The following LINGO2 variants were observed in gnomAD, a reference collection of about 807,000 sequenced individuals.
LINGO2 encodes the protein leucine-rich repeat and immunoglobulin-like domain-containing nogo receptor-interacting protein 2.
Under a neutral mutation model 30.6 loss-of-function variants are expected in LINGO2, and 14 were observed. The observed-to-expected ratio is 0.46, with a 90% CI of 0.30 to 0.72. The LOEUF (loss-of-function observed/expected upper bound fraction) is 0.72, where lower values mean the gene tolerates loss of function less well. LINGO2 is among the 30% of genes least tolerant of loss of function. LINGO2 has a pLI of 0.07. For synonymous variants in LINGO2, 317 were observed against 288.5 expected, an observed-to-expected ratio of 1.10 and a Z score of -1.00; for missense variants, 729 against 751.7, an observed-to-expected ratio of 0.97 and a Z score of 0.35.
chr9:28,143,186 G>A (rs1827722648), intron 4 of LINGO2, among the ~76,000 whole-genome samples: 2 of 152,090 alleles, frequency 1.3e-5, no homozygotes, highest in African/African-American at 2.4e-5. Flanking sequence ...TTGAAGAAAT[G>A]CCAAAATTCG....
At chr9:28,314,321 G>C (rs1564116556) in intron 3 of LINGO2, among the ~76,000 whole-genome samples, 1 of 152,172 alleles carries the variant, frequency 6.6e-6, no homozygotes, top group Non-Finnish European at 1.5e-5. Context: ...CTTAGTTAGG[G>C]TAAACAAAAA....
At chr9:29,112,177 A>G in the LINGO2 span, among the ~76,000 whole-genome samples, 1 of 151,808 alleles carries the variant, frequency 6.6e-6, no homozygotes, top group Non-Finnish European at 1.5e-5. Flanking sequence ...TCTAATTTTT[A>G]GAGAAAATAT....
At chr9:28,904,507 G>T in the LINGO2 span, among the ~76,000 whole-genome samples, 1 of 151,704 alleles carries the variant, frequency 6.6e-6, no homozygotes, top group South Asian at 2.1e-4. Flanking sequence ...ATTCCATAGG[G>T]TTGCAGAATA....
the LINGO2 span, among the ~76,000 whole-genome samples, chr9:29,188,435 G>A: frequency 6.6e-6 from 1 of 152,124 alleles, no homozygotes; most frequent in Non-Finnish European, 1.5e-5. Context: ...CACAGACACA[G>A]CAACCATCCG....
intron 1 of LINGO2, among the ~76,000 whole-genome samples, chr9:28,544,203 C>CA (rs139367286): frequency 0.023 from 3,487 of 149,810 alleles, 113 homozygotes; most frequent in East Asian, 0.099. Context: ...AAACCAATCT[C>CA]AAAAAAAAAT....
the LINGO2 span, among the ~76,000 whole-genome samples, chr9:28,838,875 G>C: frequency 3.4e-4 from 52 of 152,360 alleles, no homozygotes; most frequent in Admixed American, 1.2e-3. Flanking sequence ...GTGCATGAGT[G>C]AGCAAGCATG....
At chr9:28,905,337 C>T in the LINGO2 span, among the ~76,000 whole-genome samples, 2 of 142,548 alleles carry the variant, frequency 1.4e-5, no homozygotes, top group Non-Finnish European at 3.1e-5. Flanking sequence ...ACCAAAGAAA[C>T]AATCAAAAGA....
At chr9:28,031,830 A>G (rs527901259) in intron 4 of LINGO2, among the ~76,000 whole-genome samples, 1 of 152,358 alleles carries the variant, frequency 6.6e-6, no homozygotes, top group African/African-American at 2.4e-5. Flanking sequence ...ACAGAGAGAT[A>G]TTAGTGATTC....
chr9:28,557,258 G>A (rs1337249725), intron 1 of LINGO2, among the ~76,000 whole-genome samples: 1 of 151,790 alleles, frequency 6.6e-6, no homozygotes, highest in African/African-American at 2.4e-5. Flanking sequence ...CTGACAAAGG[G>A]CTAATATCCA....
At chr9:28,659,195 G>A (rs564510518) in intron 1 of LINGO2, among the ~76,000 whole-genome samples, 2 of 152,028 alleles carry the variant, frequency 1.3e-5, no homozygotes, top group South Asian at 2.1e-4. Context: ...AAGAAAAGAA[G>A]ACTGAAAAAT....
chr9:28,784,410 T>A, the LINGO2 span, among the ~76,000 whole-genome samples: 1 of 152,186 alleles, frequency 6.6e-6, no homozygotes, highest in African/African-American at 2.4e-5. Context: ...GAGTCCCAGT[T>A]CAGCTGCTTA....
At chr9:28,680,579 C>G in the LINGO2 span, among the ~76,000 whole-genome samples, 14,793 of 152,066 alleles carry the variant, frequency 0.097, 1,002 homozygotes, top group Admixed American at 0.23. Flanking sequence ...TTTCCAACAA[C>G]AGTATACAGG....
chr9:28,192,507 G>T (rs1737225124), intron 4 of LINGO2, among the ~76,000 whole-genome samples: 1 of 151,860 alleles, frequency 6.6e-6, no homozygotes, highest in Non-Finnish European at 1.5e-5. Flanking sequence ...CCTATTCCTT[G>T]GTGGCCTCCT....
intron 4 of LINGO2, among the ~76,000 whole-genome samples, chr9:28,243,546 C>A (rs892315962): frequency 1.3e-5 from 2 of 151,332 alleles, no homozygotes; most frequent in African/African-American, 4.9e-5. Flanking sequence ...TCAGGATACC[C>A]ATCTCACGTG....
At chr9:28,055,444 G>A (rs574274152) in intron 4 of LINGO2, among the ~76,000 whole-genome samples, 83 of 152,256 alleles carry the variant, frequency 5.5e-4, no homozygotes, top group Non-Finnish European at 9.4e-4. Context: ...AAGGGCATTT[G>A]CAGCAAGTCT....
intron 1 of LINGO2, among the ~76,000 whole-genome samples, chr9:28,545,792 C>T (rs1423791097): frequency 6.6e-6 from 1 of 151,956 alleles, no homozygotes; most frequent in South Asian, 2.1e-4. Flanking sequence ...TATATTGTGC[C>T]TTTGGAAAAG....
At chr9:28,012,016 G>T (rs1264325202) in intron 5 of LINGO2, among the ~76,000 whole-genome samples, 2 of 152,126 alleles carry the variant, frequency 1.3e-5, no homozygotes, top group African/African-American at 2.4e-5. Context: ...TTCATCTAGG[G>T]TGCAGTGGAA....
chr9:28,538,199 G>A (rs989328183), intron 1 of LINGO2, among the ~76,000 whole-genome samples: 5 of 151,052 alleles, frequency 3.3e-5, no homozygotes, highest in East Asian at 1.9e-4. Flanking sequence ...AATTTAACTC[G>A]GAAGAAAATA....
At chr9:28,441,135 C>A (rs1219072118) in intron 2 of LINGO2, among the ~76,000 whole-genome samples, 1 of 151,926 alleles carries the variant, frequency 6.6e-6, no homozygotes, top group Non-Finnish European at 1.5e-5. Context: ...AGCACAAAGG[C>A]CTTCACCAGT....
Sources: gnomAD v4.1 joint callset for allele counts (sites outside exome capture counted in the v4.1 genomes callset) on GRCh38, gnomAD v4.1.1 for gene constraint, MANE v1.5 for transcripts, NCBI Gene and HGNC (gene_info 2026-07-23, HGNC 2026-07-21) for gene names.